Variants in LRRC74A observed in about 807,000 individuals in gnomAD.
LRRC74A encodes the protein leucine rich repeat containing 74A, also known as leucine-rich repeat-containing protein 74A.
In LRRC74A, 44 loss-of-function variants were observed where a neutral mutation model predicts 57.9. The ratio of observed to expected loss-of-function variants is 0.76; its 90% CI spans 0.60 to 0.98. LRRC74A has a LOEUF of 0.98. LRRC74A is among the 50% of genes least tolerant of loss of function. LRRC74A has a pLI of 0.00. For missense variants in LRRC74A, 572 were observed against 574.0 expected (o/e 1.00, Z 0.04); for synonymous variants, 211 against 219.4 (o/e 0.96, Z 0.34).
intron 9 of LRRC74A, among the ~76,000 whole-genome samples, chr14:76,853,972 CCT>C (rs1897704118): frequency 6.6e-6 from 1 of 152,114 alleles, no homozygotes; most frequent in Non-Finnish European, 1.5e-5. Context: ...TCCCCCAGCC[CCT>C]CAGTCTCCTG....
Position 76,853,247 on chromosome 14 carries a change from C to T in LRRC74A, c.794C>T (p.Ser265Phe), listed in dbSNP as rs1380710925. Residue 265 changes from serine to phenylalanine, a missense_variant, in exon 9 of 14, where the codon TCC becomes TTC. Ser to Phe is a radical substitution (Grantham distance 155). Coordinates refer to ENST00000689127, the MANE Select transcript of LRRC74A (RefSeq NM_001385106.1). ...GNVTLTKLDLSMNGFGNEVAL... is the reference protein window; with the variant it reads ...GNVTLTKLDLFMNGFGNEVAL... ...GTGACCCTGACAAAGCTGGATCTCT[C>T]CATGAATGGCTTTGGGAATGAGGTG... is the stretch of plus-strand genomic sequence containing the variant. 1 of 1,613,464 alleles carries T rather than the reference C, an allele frequency of 6.2e-7. No homozygotes were observed.
intron 4 of LRRC74A, 68 bp downstream of exon 4, chr14:76,836,382 C>A: frequency 8.2e-7 from 1 of 1,219,380 alleles, no homozygotes; most frequent in Non-Finnish European, 1.2e-6. Flanking sequence ...GGAGACAAGC[C>A]AGAGGCCCTG....
chr14:76,849,663 C>T (rs1566731559), intron 7 of LRRC74A, among the ~76,000 whole-genome samples: 1 of 149,902 alleles, frequency 6.7e-6, no homozygotes, highest in African/African-American at 2.4e-5. Context: ...ATTAGCTGGA[C>T]GTGGTGACTT....
chr14:76,833,946 G>C (rs1896145093), intron 3 of LRRC74A, among the ~76,000 whole-genome samples: 1 of 152,100 alleles, frequency 6.6e-6, no homozygotes, highest in African/African-American at 2.4e-5. Flanking sequence ...CCAAGGATAG[G>C]GGTGAACTAC....
chr14:76,846,351 C>T (rs1156230966), intron 7 of LRRC74A, among the ~76,000 whole-genome samples: 1 of 152,160 alleles, frequency 6.6e-6, no homozygotes, highest in Admixed American at 6.5e-5. Flanking sequence ...CTTGATGGTC[C>T]TTGGTAAACT....
At chr14:76,868,806 A>C (rs1899171895) in intron 13 of LRRC74A, among the ~76,000 whole-genome samples, 1 of 152,250 alleles carries the variant, frequency 6.6e-6, no homozygotes. Flanking sequence ...CAAGAAAGGC[A>C]GCCAGACCCA....
At chr14:76,867,102 T>G (rs1220427495) in intron 12 of LRRC74A, among the ~76,000 whole-genome samples, 5 of 4,168 alleles carry the variant, frequency 1.2e-3, no homozygotes, top group African/African-American at 4.6e-3. Context: ...GTGTGGGGGG[T>G]GTGTGTTGGG....
intron 2 of LRRC74A, chr14:76,828,900 CA>C (rs1329677368): frequency 2.6e-6 from 2 of 761,306 alleles, no homozygotes; most frequent in Non-Finnish European, 3.7e-6. Flanking sequence ...TTCTGTATTC[CA>C]TATCCCAGGC....
At chr14:76,836,077 T>C in intron 3 of LRRC74A, 130 bp from the exon 4 acceptor site, 1 of 674,060 alleles carries the variant, frequency 1.5e-6, no homozygotes, top group Middle Eastern at 2.7e-4. Flanking sequence ...CTCCTCGCCC[T>C]TGCCAGGCCT....
In LRRC74A at chr14:76,849,909, A is replaced by T. The variant is rs565114524; in HGVS notation, c.677-2456A>T. Among the ~76,000 whole-genome samples, 425 of 151,292 alleles carry T rather than the reference A, an allele frequency of 2.8e-3. 3 individuals carry two copies. The highest frequency in any genetic ancestry group is 3.3e-3 in the Non-Finnish European group (221 of 67,776). ...GGGCATTTTACATCAATCCTCATTT[A>T]AAAAAAACTCTATATAGGGCCAGGC... is the stretch of plus-strand genomic sequence containing the variant. On this transcript the variant is annotated intron_variant, in intron 7 of 13. Transcript: ENST00000689127.
chr14:76,843,589 A>C (rs1896925389), intron 5 of LRRC74A, among the ~76,000 whole-genome samples: 1 of 152,184 alleles, frequency 6.6e-6, no homozygotes, highest in Non-Finnish European at 1.5e-5. Context: ...CATGGCAGAG[A>C]GAAAAGGCAA....
In LRRC74A at chr14:76,837,979, CATGGAAAGGG is replaced by C; in HGVS notation, c.544+10_544+19del. The C allele has an allele frequency of 6.5e-7, 1 of 1,527,388 alleles. No individual in the cohort carries two copies. 94.6% of individuals were successfully genotyped at this position (1,527,388 alleles called of 1,614,324 possible). On this transcript the variant is annotated intron_variant, in intron 5 of 13. Transcript: ENST00000689127. ...GGAGCCTTGAGCTTTCAGGTGAGCA[CATGGAAAGGG>C]AGGGAGAAGACACTGGGAATCAGAG...
At chr14:76,863,624 C>T (rs1467373) in intron 11 of LRRC74A, among the ~76,000 whole-genome samples, 3 of 152,192 alleles carry the variant, frequency 2.0e-5, no homozygotes, top group African/African-American at 7.2e-5. Context: ...GTGAACTCCT[C>T]CAGGGCAGGG....
intron 10 of LRRC74A, 73 bp from the exon 11 acceptor site, chr14:76,860,620 G>T (rs1898221065): frequency 7.1e-7 from 1 of 1,409,644 alleles, no homozygotes; most frequent in Non-Finnish European, 9.6e-7. Context: ...GGTGGAAGGG[G>T]TAGGGTGCAC....
In LRRC74A at chr14:76,844,458, TG is replaced by T; in HGVS notation, c.581del (p.Cys194SerfsTer23). On this transcript the variant is annotated frameshift_variant, in exon 6 of 14. Coordinates refer to ENST00000689127, the MANE Select transcript of LRRC74A (RefSeq NM_001385106.1). LOFTEE classifies it high-confidence loss of function. ...DFKEDSAALL[C>X]QALSTNYQIK... ...CAAGGAAGACTCCGCAGCACTGCTC[TG>T]CCAAGCCCTGTCGGTAAGAGGCAGG... 6.2e-7 allele frequency: 1 copy of T among 1,612,140 alleles called. No homozygotes were observed. The highest frequency in any genetic ancestry group is 8.5e-7 in the Non-Finnish European group (1 of 1,179,216).
chr14:76,849,946 C>T (rs572584247), intron 7 of LRRC74A, among the ~76,000 whole-genome samples: 7 of 151,062 alleles, frequency 4.6e-5, no homozygotes, highest in East Asian at 2.0e-4. Flanking sequence ...TGGTGGCTCA[C>T]GCCTGTAATC....
intron 3 of LRRC74A, among the ~76,000 whole-genome samples, chr14:76,835,608 G>T (rs1212955549): frequency 6.6e-6 from 1 of 152,140 alleles, no homozygotes; most frequent in South Asian, 2.1e-4. Flanking sequence ...ACCAGAGCGA[G>T]GTGTGGTGGC....
At chr14:76,829,438 A>T (rs117325869) in intron 2 of LRRC74A, among the ~76,000 whole-genome samples, 1,971 of 152,194 alleles carry the variant, frequency 0.013, 23 homozygotes, top group Non-Finnish European at 0.02. Context: ...TGTCCACTTC[A>T]AGTCTGTTGT....
At chr14:76,847,261 T>C (rs1897168285) in intron 7 of LRRC74A, among the ~76,000 whole-genome samples, 1 of 152,110 alleles carries the variant, frequency 6.6e-6, no homozygotes, top group Non-Finnish European at 1.5e-5. Flanking sequence ...ATTTTAACTA[T>C]TCACAGTAAC....
Sources: allele counts gnomAD v4.1 joint callset (sites outside exome capture counted in the v4.1 genomes callset), GRCh38; gene constraint gnomAD v4.1.1; transcripts MANE v1.5; gene names NCBI Gene and HGNC (gene_info 2026-07-23, HGNC 2026-07-21).